The following NRXN3 variants were observed in gnomAD, a reference collection of about 807,000 sequenced individuals.
NRXN3 encodes neurexin 3.
In NRXN3, 32 loss-of-function variants were observed where a neutral mutation model predicts 137.6. That is an observed-to-expected ratio of 0.23 (90% CI 0.18 to 0.31). The LOEUF is 0.31. Among genes scored for constraint, NRXN3 ranks in the 10% least tolerant of loss-of-function variants. NRXN3 has a pLI of 1.00. For missense variants in NRXN3, 1,574 were observed against 2,062.5 expected, an observed-to-expected ratio of 0.76 and a Z score of 4.59; for synonymous variants, 798 against 784.5, an observed-to-expected ratio of 1.02 and a Z score of -0.29.
chr14:78,561,179 T>A (rs1459452221), intron 4 of NRXN3, among the ~76,000 whole-genome samples: 2 of 151,974 alleles, frequency 1.3e-5, no homozygotes, highest in Non-Finnish European at 2.9e-5. Flanking sequence ...GTCTTTAGGG[T>A]TTTCTACAGC....
intron 5 of NRXN3, 106 bp downstream of exon 5, chr14:78,645,527 G>A: frequency 2.2e-6 from 2 of 927,534 alleles, no homozygotes; most frequent in African/African-American, 1.7e-5. Flanking sequence ...TGGAGATTCA[G>A]GGATGGAGAT....
chr14:79,139,463 T>C (rs1240040540), intron 15 of NRXN3, among the ~76,000 whole-genome samples: 2 of 152,154 alleles, frequency 1.3e-5, no homozygotes, highest in African/African-American at 4.8e-5. Context: ...GTTTCACTTA[T>C]AAATATTAAA....
chr14:79,817,881 G>A (rs144130143), intron 20 of NRXN3, among the ~76,000 whole-genome samples: 22 of 152,154 alleles, frequency 1.4e-4, no homozygotes, highest in Admixed American at 5.9e-4. Flanking sequence ...TGGTTGATGG[G>A]GGTTATAAAA....
intron 8 of NRXN3, among the ~76,000 whole-genome samples, chr14:78,736,788 A>C (rs2098542884): frequency 6.6e-6 from 1 of 152,222 alleles, no homozygotes. Flanking sequence ...GGAGAAATAA[A>C]AAATAAGCAG....
intron 4 of NRXN3, among the ~76,000 whole-genome samples, chr14:78,389,715 G>A (rs2090504368): frequency 6.6e-6 from 1 of 151,954 alleles, no homozygotes; most frequent in Admixed American, 6.6e-5. Flanking sequence ...TGTTTATGAT[G>A]TTCTTTGAGG....
At chr14:79,677,244 T>C (rs2098645721) in intron 17 of NRXN3, among the ~76,000 whole-genome samples, 1 of 151,930 alleles carries the variant, frequency 6.6e-6, no homozygotes. Context: ...TTAAACAAAA[T>C]GATAAATAGG....
At chr14:78,190,949 C>T (rs1387526599) in intron 1 of NRXN3, among the ~76,000 whole-genome samples, 1 of 152,192 alleles carries the variant, frequency 6.6e-6, no homozygotes. Context: ...GCTGGGATTA[C>T]AGGCATGAGC....
At chr14:79,769,731 C>A (rs1177920719) in intron 19 of NRXN3, among the ~76,000 whole-genome samples, 2 of 151,206 alleles carry the variant, frequency 1.3e-5, no homozygotes, top group Non-Finnish European at 2.9e-5. Context: ...AGCAAAATAA[C>A]CAGCTAACAT....
At chr14:78,527,371 A>C (rs1343828520) in intron 4 of NRXN3, among the ~76,000 whole-genome samples, 1 of 152,158 alleles carries the variant, frequency 6.6e-6, no homozygotes, top group African/African-American at 2.4e-5. Context: ...ATGAAGTGGG[A>C]AGGTGATACA....
rs61564948 is a variant in NRXN3, at chr14:78,876,327, G to A, written c.2275+65983G>A. Among the ~76,000 whole-genome samples, 988 of 152,264 alleles carry A rather than the reference G, an allele frequency of 6.5e-3. 16 individuals carry two copies. Among genetic ancestry groups the A allele is most frequent in the African/African-American group, 0.022 (923 of 41,562 alleles). On this transcript the variant is annotated intron_variant, in intron 10 of 20. Transcript: ENST00000335750. ...AGCTAAATGTCAGACTTGATGTAAA[G>A]GAGGAAAACCAGCCCTGAGGACCTA...
At chr14:78,307,971 A>G (rs2077540690) in intron 4 of NRXN3, among the ~76,000 whole-genome samples, 1 of 152,096 alleles carries the variant, frequency 6.6e-6, no homozygotes, top group South Asian at 2.1e-4. Flanking sequence ...AACCCACACA[A>G]AACAGAGACC....
intron 6 of NRXN3, among the ~76,000 whole-genome samples, chr14:78,686,480 G>A (rs187327046): frequency 6.2e-4 from 94 of 152,296 alleles, no homozygotes; most frequent in South Asian, 1.5e-3. Flanking sequence ...AAAAGAAGAC[G>A]CCTCCTGGAA....
Position 78,918,461 on chromosome 14 carries a change from A to T in NRXN3, c.2276-38781A>T, listed in dbSNP as rs1409347991. ...GACCTTGGGCAGAAGTAACCATGAC[A>T]CGTTGGGGTTTGTATAAGTAATAAA... On this transcript the variant is annotated intron_variant, in intron 10 of 20. Transcript: ENST00000335750. 2.0e-5 allele frequency among the ~76,000 whole-genome samples: 3 copies of T among 152,092 alleles called. No individual in the cohort carries two copies. In the East Asian group the frequency reaches 5.8e-4, roughly 29 times the overall value.
chr14:79,418,898 C>G (rs1485156135), intron 15 of NRXN3, among the ~76,000 whole-genome samples: 4 of 152,170 alleles, frequency 2.6e-5, no homozygotes, highest in African/African-American at 4.8e-5. Context: ...GCCTATTTCA[C>G]ACTGCCGTCT....
intron 8 of NRXN3, among the ~76,000 whole-genome samples, chr14:78,728,246 A>C (rs1342705656): frequency 6.6e-6 from 1 of 152,156 alleles, no homozygotes; most frequent in African/African-American, 2.4e-5. Context: ...ATTTTTTTTA[A>C]CATGTAATCG....
chr14:79,284,529 G>C (rs1334307462), intron 15 of NRXN3, among the ~76,000 whole-genome samples: 2 of 151,766 alleles, frequency 1.3e-5, no homozygotes, highest in Non-Finnish European at 2.9e-5. Context: ...TAGACGATTT[G>C]TGGGGACTAG....
chr14:79,080,677 A>G (rs1431299731), intron 15 of NRXN3, among the ~76,000 whole-genome samples: 1 of 152,086 alleles, frequency 6.6e-6, no homozygotes, highest in Admixed American at 6.6e-5. Flanking sequence ...AATTTCCTCA[A>G]TTCCTATATC....
intron 16 of NRXN3, among the ~76,000 whole-genome samples, chr14:79,542,576 A>G (rs754703820): frequency 3.9e-5 from 6 of 152,024 alleles, no homozygotes; most frequent in Admixed American, 1.3e-4. Context: ...CTCCCGTCTC[A>G]CTGTAGGGCC....
chr14:79,177,985 A>G (rs1362719462), intron 15 of NRXN3, among the ~76,000 whole-genome samples: 1 of 152,208 alleles, frequency 6.6e-6, no homozygotes, highest in Non-Finnish European at 1.5e-5. Flanking sequence ...TAACTTTTTG[A>G]CCAAAAAAAT....
Sources: gnomAD v4.1 joint callset for allele counts (sites outside exome capture counted in the v4.1 genomes callset) on GRCh38, gnomAD v4.1.1 for gene constraint, MANE v1.5 for transcripts, NCBI Gene and HGNC (gene_info 2026-07-23, HGNC 2026-07-21) for gene names.